Variants in ALG9 observed in about 807,000 individuals in gnomAD.
ALG9 encodes ALG9 alpha-1,2-mannosyltransferase.
A neutral mutation model predicts 81.8 loss-of-function variants in ALG9; 55 were observed. That is an observed-to-expected ratio of 0.67 (90% CI 0.54 to 0.84). ALG9 has a LOEUF of 0.84. Ranked by LOEUF, ALG9 falls within the 40% of genes least tolerant of loss-of-function variation. The pLI is 0.00. For synonymous variants in ALG9, 278 were observed against 274.3 expected, an observed-to-expected ratio of 1.01 and a Z score of -0.13; for missense variants, 629 against 745.0, an observed-to-expected ratio of 0.84 and a Z score of 1.81.
At chr11:111,797,015 C>A (rs1555075884) in intron 14 of ALG9, among the ~76,000 whole-genome samples, 1 of 152,186 alleles carries the variant, frequency 6.6e-6, no homozygotes, top group Non-Finnish European at 1.5e-5. Flanking sequence ...ACTGCATGTA[C>A]TATATGCCTC....
intron 13 of ALG9, among the ~76,000 whole-genome samples, chr11:111,829,664 G>A (rs1317615840): frequency 6.6e-6 from 1 of 152,200 alleles, no homozygotes; most frequent in East Asian, 1.9e-4. Flanking sequence ...AATAAAAGAT[G>A]TGTATTTTGT....
At chr11:111,826,018 A>G (rs1360394713) in intron 13 of ALG9, among the ~76,000 whole-genome samples, 1 of 150,906 alleles carries the variant, frequency 6.6e-6, no homozygotes, top group Non-Finnish European at 1.5e-5. Context: ...GTGAGCCGAG[A>G]TCGCACCACT....
chr11:111,835,968 C>G (rs1555117080), intron 13 of ALG9, among the ~76,000 whole-genome samples, 197 bp downstream of exon 13: 1 of 152,142 alleles, frequency 6.6e-6, no homozygotes, highest in African/African-American at 2.4e-5. Context: ...CCAGGCTGGT[C>G]TCGAACTTCT....
intron 13 of ALG9, among the ~76,000 whole-genome samples, chr11:111,832,598 GT>G (rs1273328342): frequency 1.3e-5 from 2 of 152,128 alleles, no homozygotes; most frequent in Non-Finnish European, 2.9e-5. Flanking sequence ...AACTGACAAA[GT>G]TTTTTAAGTA....
At chr11:111,870,715 T>C (rs1349175865) in intron 1 of ALG9, 13 of 1,041,596 alleles carry the variant, frequency 1.2e-5, no homozygotes, top group Non-Finnish European at 1.3e-5. Context: ...AATTAACTCA[T>C]ACACTTTAGC....
At chr11:111,768,299 T>A in the ALG9 span, among the ~76,000 whole-genome samples, 145 of 152,364 alleles carry the variant, frequency 9.5e-4, no homozygotes, top group African/African-American at 3.2e-3. Context: ...ACATCATTTG[T>A]CACGTTAAAT....
chr11:111,829,712 A>T (rs1174708792), intron 13 of ALG9, among the ~76,000 whole-genome samples: 1 of 152,188 alleles, frequency 6.6e-6, no homozygotes, highest in Non-Finnish European at 1.5e-5. Flanking sequence ...GGGTAGTAAT[A>T]AATATTGTCA....
intron 14 of ALG9, among the ~76,000 whole-genome samples, chr11:111,799,121 G>A (rs536537469): frequency 1.3e-5 from 2 of 152,188 alleles, no homozygotes; most frequent in East Asian, 3.9e-4. Context: ...TCCCTGAAGT[G>A]GAAACTCCAA....
chr11:111,798,478 G>A (rs911092411), intron 14 of ALG9, among the ~76,000 whole-genome samples: 1 of 152,118 alleles, frequency 6.6e-6, no homozygotes, highest in Admixed American at 6.5e-5. Context: ...CCACTGAGCT[G>A]GTGATTTATT....
intron 9 of ALG9, 51 bp downstream of exon 9, chr11:111,844,550 C>T (rs781978961): frequency 9.9e-6 from 16 of 1,611,736 alleles, no homozygotes; most frequent in Non-Finnish European, 1.0e-5. Context: ...TGGTATACAC[C>T]ATTACTTGCT....
At chr11:111,864,737 G>GAT (rs1378405697) in intron 4 of ALG9, among the ~76,000 whole-genome samples, 1 of 151,618 alleles carries the variant, frequency 6.6e-6, no homozygotes, top group Non-Finnish European at 1.5e-5. Flanking sequence ...ATATGTATAT[G>GAT]ATATATATAT....
intron 3 of ALG9, among the ~76,000 whole-genome samples, chr11:111,867,135 T>C (rs1962749742): frequency 6.6e-6 from 1 of 152,042 alleles, no homozygotes; most frequent in South Asian, 2.1e-4. Context: ...AAAATGGAAA[T>C]GAGATACCGG....
Position 111,817,162 on chromosome 11 carries a change from G to A in ALG9, c.1603-7389C>T, listed in dbSNP as rs1414389771. ...TGATAATGGAGGATCCAAAGGAAGA[G>A]AATCTGGATTTTATGCATCAGGAAT... On this transcript the variant is annotated intron_variant, in intron 13 of 14. Transcript: ENST00000616540. 3 of 152,188 alleles carry A rather than the reference G, an allele frequency of 2.0e-5. No individual in the cohort carries two copies. The East Asian group carries it at 5.8e-4, about 29-fold the overall frequency. The allele number at this position is 152,188 out of a possible 1,614,324, so 9.4% of individuals were successfully genotyped here. A position where few individuals can be genotyped will look rare whatever the true frequency, so the allele number is the denominator to read the frequency against.
chr11:111,802,569 T>C (rs1555081389), intron 14 of ALG9, among the ~76,000 whole-genome samples: 3 of 152,200 alleles, frequency 2.0e-5, no homozygotes, highest in Non-Finnish European at 1.5e-5. Context: ...GTTTTAAAAT[T>C]GAACTGTGGC....
intron 2 of ALG9, among the ~76,000 whole-genome samples, chr11:111,869,120 A>G (rs1566298445): frequency 6.6e-6 from 1 of 152,214 alleles, no homozygotes; most frequent in Non-Finnish European, 1.5e-5. Flanking sequence ...TTGATGGATA[A>G]AAAAGGAATC....
At chr11:111,864,163 A>G in intron 4 of ALG9, 1 of 553,784 alleles carries the variant, frequency 1.8e-6, no homozygotes, top group South Asian at 2.4e-5. Context: ...GAAAAAGAAG[A>G]GAACAATAAA....
intron 14 of ALG9, among the ~76,000 whole-genome samples, chr11:111,798,911 C>A (rs559707084): frequency 1.3e-5 from 2 of 152,182 alleles, no homozygotes; most frequent in African/African-American, 4.8e-5. Flanking sequence ...AAGAAGTGAA[C>A]GAACATCTGG....
rs147670080 is a variant in ALG9 at position 111,785,491 on chromosome 11, G to A, written c.*906C>T. ...ATATACACTGATCCTTTTCACTGGG[G>A]GTGGTTAAAAAAAAAGGAAAATTCT... On this transcript the variant is annotated 3_prime_UTR_variant, in exon 15 of 15. Transcript: ENST00000616540. 2 of 153,840 alleles carry A rather than the reference G, an allele frequency of 1.3e-5. No homozygotes were observed. The highest frequency in any genetic ancestry group is 1.9e-4 in the East Asian group (1 of 5,198). The allele number at this position is 153,840 out of a possible 1,614,324, so 9.5% of individuals were successfully genotyped here.
At chr11:111,797,895 A>T (rs614144) in intron 14 of ALG9, among the ~76,000 whole-genome samples, 98,395 of 152,046 alleles carry the variant, frequency 0.65, 31,938 homozygotes, top group East Asian at 0.77. Context: ...AGCGTATATG[A>T]TATCAGCACA....
Sources: allele counts gnomAD v4.1 joint callset (sites outside exome capture counted in the v4.1 genomes callset), GRCh38; gene constraint gnomAD v4.1.1; transcripts MANE v1.5; gene names NCBI Gene and HGNC (gene_info 2026-07-23, HGNC 2026-07-21).